The following HIPK2 variants were observed in gnomAD, a reference collection of about 807,000 sequenced individuals.
HIPK2 encodes homeodomain interacting protein kinase 2.
Under a neutral mutation model 113.7 loss-of-function variants are expected in HIPK2, and 27 were observed. The ratio of observed to expected loss-of-function variants is 0.24; its 90% CI spans 0.17 to 0.33. The LOEUF is 0.33. Ranked by LOEUF, HIPK2 falls within the 10% of genes least tolerant of loss-of-function variation. The pLI is 1.00. For missense variants in HIPK2, 1,257 were observed against 1,588.0 expected (o/e 0.79, Z 3.54); for synonymous variants, 631 against 642.2 (o/e 0.98, Z 0.26).
At chr7:139,607,688 A>G (rs999526930) in intron 9 of HIPK2, among the ~76,000 whole-genome samples, 2 of 152,196 alleles carry the variant, frequency 1.3e-5, no homozygotes, top group Non-Finnish European at 2.9e-5. Context: ...AATATTGATA[A>G]TTATGTAAAT....
At chr7:139,678,385 T>C (rs150937421) in intron 2 of HIPK2, among the ~76,000 whole-genome samples, 71 of 152,382 alleles carry the variant, frequency 4.7e-4, no homozygotes, top group African/African-American at 1.7e-3. Flanking sequence ...AGTTTCAGTT[T>C]TCTGCATATG....
At chr7:139,590,442 A>G (rs1798979334) in intron 12 of HIPK2, among the ~76,000 whole-genome samples, 1 of 152,220 alleles carries the variant, frequency 6.6e-6, no homozygotes, top group South Asian at 2.1e-4. Flanking sequence ...GTAGGGTCTT[A>G]TCTGGAATGT....
At chr7:139,610,185 C>T (rs2030712) in intron 9 of HIPK2, among the ~76,000 whole-genome samples, 68,787 of 152,032 alleles carry the variant, frequency 0.45, 16,792 homozygotes, top group African/African-American at 0.62. Flanking sequence ...AACTGAACAA[C>T]GAAGAATCCC....
At position 139,596,880 on chromosome 7, in the gene HIPK2, T is replaced by C. The variant is rs376180392; in HGVS notation, c.2554A>G (p.Ser852Gly). Residue 852 changes from serine to glycine, a missense_variant, in exon 12 of 15, where the codon AGC becomes GGC. Physicochemically the swap from Ser to Gly is moderately conservative, Grantham distance 56. Transcript: ENST00000406875. ...CAMVHSSPACSTSVTCGWGDV... is the reference protein window; with the variant it reads ...CAMVHSSPACGTSVTCGWGDV... ...CCCCACCCACAGGTGACCGAGGTGC[T>C]GCAGGCCGGGCTACTGTGCACCATG... 2.3e-5 allele frequency: 37 copies of C among 1,613,836 alleles called. No homozygotes were observed. The highest frequency in any genetic ancestry group is 3.1e-5 in the Non-Finnish European group (36 of 1,179,886).
At position 139,566,387 on chromosome 7, in the gene HIPK2, G is replaced by A. The variant is rs1212635754; in HGVS notation, c.*6540C>T. The A allele has an allele frequency of 6.6e-6, 1 of 152,288 alleles. No individual in the cohort carries two copies. Among genetic ancestry groups the A allele is most frequent in the Admixed American group, 6.5e-5 (1 of 15,284 alleles). The allele number at this position is 152,288 out of a possible 1,614,324, so 9.4% of individuals were successfully genotyped here. ...ATATTGCCGATCTCACAGGGCTACG[G>A]AGAAGATGAAACAGGACAACCCATG... On this transcript the variant is annotated 3_prime_UTR_variant, in exon 15 of 15. Coordinates refer to ENST00000406875, the MANE Select transcript of HIPK2 (RefSeq NM_022740.5). The surrounding 1 kb of genome is among the most constrained non-coding windows in gnomAD (Gnocchi z 4.1).
At chr7:139,665,558 ACATCCATCCATCCATC>A (rs71170908) in intron 2 of HIPK2, among the ~76,000 whole-genome samples, 44 of 148,188 alleles carry the variant, frequency 3.0e-4, no homozygotes, top group Admixed American at 9.5e-4. Context: ...CCTCCTGGCC[ACATCCATCCATCCATC>A]CATCCATCCA....
chr7:139,631,394 AAAG>A lies in HIPK2; in HGVS notation c.1228-113_1228-111del. 6.8e-7 allele frequency: 1 copy of A among 1,460,914 alleles called. No individual in the cohort carries two copies. The highest frequency in any genetic ancestry group is 1.4e-5 in the African/African-American group (1 of 69,628). 90.5% of individuals were successfully genotyped at this position (1,460,914 alleles called of 1,614,324 possible). ...AATGAAAATGACAATTTTTGTAGGG[AAAG>A]AAGTTAACAAAAAAGAGAAAAAAGA... On this transcript the variant is annotated intron_variant, in intron 3 of 14. Coordinates refer to ENST00000406875, the MANE Select transcript of HIPK2 (RefSeq NM_022740.5). The surrounding 1 kb of genome is among the most constrained non-coding windows in gnomAD (Gnocchi z 4.9).
Position 139,572,901 on chromosome 7 carries a change from C to CT in HIPK2, c.*25dup. ...CTCCCTCGGGCCATTCTCTCCCTCCCTCCCTCCCTCCCTCCCCTCCAGTGT... is the reference window on the plus strand; with the variant it reads ...CTCCCTCGGGCCATTCTCTCCCTCCCTTCCCTCCCTCCCTCCCCTCCAGTGT... On this transcript the variant is annotated 3_prime_UTR_variant, in exon 15 of 15. Coordinates refer to ENST00000406875, the MANE Select transcript of HIPK2 (RefSeq NM_022740.5). 3.5e-6 allele frequency: 2 copies of CT among 575,648 alleles called. No homozygotes were observed. The highest frequency in any genetic ancestry group is 1.9e-5 in the South Asian group (1 of 53,152). 35.7% of individuals were successfully genotyped at this position (575,648 alleles called of 1,614,324 possible). A position where few individuals can be genotyped will look rare whatever the true frequency, so the allele number is the denominator to read the frequency against.
chr7:139,597,063 C>G, intron 11 of HIPK2, 65 bp from the exon 12 acceptor site: 2 of 1,503,552 alleles, frequency 1.3e-6, no homozygotes, highest in Non-Finnish European at 1.8e-6. Flanking sequence ...TTCGAAGGAG[C>G]CCAATTGCCT....
In HIPK2 at chr7:139,721,824, C is replaced by T. The variant is rs1277842950; in HGVS notation, c.20-4809G>A. ...GAGCAGTAAGAGGAACCCAGGAGGT[C>T]ACGGTAGGATAAATCTGCCATAACC... On this transcript the variant is annotated intron_variant, in intron 1 of 14. Transcript: ENST00000406875. Among the ~76,000 whole-genome samples the T allele has an allele frequency of 2.0e-5, 3 of 152,040 alleles. No individual in the cohort carries two copies. The East Asian group carries it at 5.8e-4, about 29-fold the overall frequency.
rs1441297501 is a variant in HIPK2, at chr7:139,630,727, C to G, written c.1347+438G>C. On this transcript the variant is annotated intron_variant, in intron 4 of 14. Transcript: ENST00000406875. The surrounding 1 kb of genome is among the most constrained non-coding windows in gnomAD (Gnocchi z 4.0). ...TTCTTTAGGGCCCAGTTCAAATGCTCCTCCTTGCCCCTCTGCTGCAGGCAG... is the reference window on the plus strand; with the variant it reads ...TTCTTTAGGGCCCAGTTCAAATGCTGCTCCTTGCCCCTCTGCTGCAGGCAG... Among the ~76,000 whole-genome samples, 1 of 152,228 alleles carries G rather than the reference C, an allele frequency of 6.6e-6. No homozygotes were observed. The highest frequency in any genetic ancestry group is 1.5e-5 in the Non-Finnish European group (1 of 68,044).
chr7:139,772,953 AAGG>A (rs937807112), intron 1 of HIPK2, among the ~76,000 whole-genome samples: 26 of 151,940 alleles, frequency 1.7e-4, no homozygotes, highest in African/African-American at 5.6e-4. Flanking sequence ...TAAAAAAAAA[AAGG>A]AGAAGAAAAA....
intron 1 of HIPK2, among the ~76,000 whole-genome samples, chr7:139,719,183 G>C (rs745558969): frequency 8.5e-5 from 13 of 152,096 alleles, no homozygotes; most frequent in Non-Finnish European, 1.8e-4. Flanking sequence ...CTGTCGCCCA[G>C]ACTGGAGTGC....
At position 139,628,983 on chromosome 7, in the gene HIPK2, G is replaced by T; in HGVS notation, c.1404C>A (p.Tyr468Ter). 1 of 1,596,306 alleles carries T rather than the reference G, an allele frequency of 6.3e-7. No homozygotes were observed. Among genetic ancestry groups the T allele is most frequent in the Non-Finnish European group, 8.5e-7 (1 of 1,169,904 alleles). ...TGIKSKEARK[Y>*]IFNCLDDMAQ... is the part of the protein sequence containing the mutation. ...CCATATCATCTAAACAGTTGAAAAT[G>T]TACTTTCTTGCTTCTTTTGACTTAA... The change falls in exon 5 of 15, where the codon TAC becomes TAA. Residue 468 changes from tyrosine (Y) to a stop codon, truncating the protein, a stop_gained. Transcript: ENST00000406875. LOFTEE classifies it high-confidence loss of function.
At chr7:139,672,788 G>A (rs987174353) in intron 2 of HIPK2, among the ~76,000 whole-genome samples, 1 of 152,144 alleles carries the variant, frequency 6.6e-6, no homozygotes, top group Non-Finnish European at 1.5e-5. Flanking sequence ...CACTTCTGGT[G>A]ATTAATTAGA....
At chr7:139,684,868 A>C (rs1264966119) in intron 2 of HIPK2, among the ~76,000 whole-genome samples, 1 of 152,212 alleles carries the variant, frequency 6.6e-6, no homozygotes, top group African/African-American at 2.4e-5. Flanking sequence ...CTTACTGCTG[A>C]TATGGAGAAG....
intron 2 of HIPK2, among the ~76,000 whole-genome samples, chr7:139,679,115 G>T (rs756139005): frequency 6.6e-6 from 1 of 152,194 alleles, no homozygotes; most frequent in Non-Finnish European, 1.5e-5. Flanking sequence ...AAAGAGAGAC[G>T]ATTTGATTTC....
At chr7:139,684,151 T>G (rs549469329) in intron 2 of HIPK2, among the ~76,000 whole-genome samples, 7 of 152,320 alleles carry the variant, frequency 4.6e-5, no homozygotes, top group African/African-American at 1.7e-4. Context: ...TTGATGTTAC[T>G]ATTGTAATGG....
rs1046602779 is a variant in HIPK2 at position 139,720,647 on chromosome 7, G to A, written c.20-3632C>T. On this transcript the variant is annotated intron_variant, in intron 1 of 14. Transcript: ENST00000406875. The stretch of plus-strand genomic sequence containing the variant: ...TCAAGTGAATATCCATATTGTTCTA[G>A]ATGTTGTATACAATATAGAAATGAC... 3.3e-5 allele frequency among the ~76,000 whole-genome samples: 5 copies of A among 152,274 alleles called. No homozygotes were observed. In the East Asian group the frequency reaches 9.6e-4, roughly 29 times the overall value.
Sources: gnomAD v4.1 joint callset for allele counts (sites outside exome capture counted in the v4.1 genomes callset) on GRCh38, gnomAD v4.1.1 for gene constraint, Gnocchi (gnomAD v3.1) non-coding constraint, MANE v1.5 for transcripts, NCBI Gene and HGNC (gene_info 2026-07-23, HGNC 2026-07-21) for gene names.